The following NOS1 variants were observed in gnomAD, a reference collection of about 807,000 sequenced individuals.
The protein encoded by NOS1 is NOS type I.
A neutral mutation model predicts 164.5 loss-of-function variants in NOS1; 51 were observed. The observed-to-expected ratio is 0.31, with a 90% confidence interval of 0.25 to 0.39. The LOEUF (loss-of-function observed/expected upper bound fraction) is 0.39. Ranked by LOEUF, NOS1 falls within the 10% of genes least tolerant of loss-of-function variation. NOS1 has a pLI of 1.00. For missense variants in NOS1, 1,362 were observed against 1,885.6 expected (o/e 0.72, Z 5.14); for synonymous variants, 719 against 745.8 (o/e 0.96, Z 0.59).
At position 117,316,348 on chromosome 12, in the gene NOS1, C is replaced by T. The variant is rs192299790; in HGVS notation, c.726-4756G>A. 1.8e-4 allele frequency among the ~76,000 whole-genome samples: 28 copies of T among 152,182 alleles called. 1 individual carries two copies. The highest frequency in any genetic ancestry group is 1.6e-3 in the Admixed American group (25 of 15,272). ...AATTCTCTACTACCCTTCCAGACTC[C>T]TACCTCCTATCATTCTTGGCCCTGA... On this transcript the variant is annotated intron_variant, in intron 2 of 28. Coordinates refer to ENST00000317775, the MANE Select transcript of NOS1 (RefSeq NM_000620.5).
intron 2 of NOS1, among the ~76,000 whole-genome samples, chr12:117,312,508 T>C (rs1874480493): frequency 6.6e-6 from 1 of 152,184 alleles, no homozygotes; most frequent in South Asian, 2.1e-4. Context: ...CTTGATCTTC[T>C]GGGTTCAAGT....
rs543472308 is a variant in NOS1 at position 117,246,785 on chromosome 12, A to C, written c.2823+563T>G. On this transcript the variant is annotated intron_variant, in intron 18 of 28. Transcript: ENST00000317775. Reference sequence around the variant, plus strand: ...AGTGTAAAGTTTTCAAGGTCCATCCATGTTGTAGCATGTATCACCACTTCA... The same window carrying C: ...AGTGTAAAGTTTTCAAGGTCCATCCCTGTTGTAGCATGTATCACCACTTCA... Among the ~76,000 whole-genome samples the C allele has an allele frequency of 3.4e-4, 52 of 152,324 alleles. 1 individual carries two copies. Among genetic ancestry groups the C allele is most frequent in the Non-Finnish European group, 5.1e-4 (35 of 68,026 alleles).
At chr12:117,291,345 G>A (rs562522674) in intron 3 of NOS1, among the ~76,000 whole-genome samples, 22 of 152,100 alleles carry the variant, frequency 1.4e-4, no homozygotes, top group South Asian at 6.2e-4. Flanking sequence ...TGCACTTACC[G>A]TCCCCTCTGT....
intron 5 of NOS1, among the ~76,000 whole-genome samples, chr12:117,286,936 C>T (rs928983111): frequency 9.2e-5 from 14 of 152,078 alleles, no homozygotes; most frequent in African/African-American, 3.4e-4. Flanking sequence ...GCATACAGGC[C>T]GGGTATGGTG....
In NOS1 at chr12:117,222,842, A is replaced by T. The variant is rs1358671681; in HGVS notation, c.3848T>A (p.Val1283Asp). 2 of 1,613,672 alleles carry T rather than the reference A, an allele frequency of 1.2e-6. No individual in the cohort carries two copies. The highest frequency in any genetic ancestry group is 2.7e-5 in the African/African-American group (2 of 74,864). ...GGATTGCCGGCACCCGAAGACCAGG[A>T]CCATGGGGCAGGGGTTCATTCCTGG... ...QHKGMNPCPMVLVFGCRQSKI... is the reference protein window; with the variant it reads ...QHKGMNPCPMDLVFGCRQSKI... Residue 1283 changes from valine (V) to aspartate (D), a missense_variant, in exon 26 of 29, where the codon GTC becomes GAC. By Grantham distance (152) the Val-to-Asp change is radical. This residue lies in a region of NOS1 where 737 missense variants were observed against 1,030.3 expected (regional missense o/e 0.72). Coordinates refer to ENST00000317775, the MANE Select transcript of NOS1 (RefSeq NM_000620.5).
chr12:117,235,815 C>T (rs1869661594), intron 20 of NOS1, among the ~76,000 whole-genome samples: 1 of 152,076 alleles, frequency 6.6e-6, no homozygotes, highest in Non-Finnish European at 1.5e-5. Flanking sequence ...GGTGGAGGTA[C>T]ACAGATCACC....
chr12:117,351,326 C>T (rs909075317), intron 1 of NOS1, among the ~76,000 whole-genome samples: 2 of 152,176 alleles, frequency 1.3e-5, no homozygotes, highest in Admixed American at 1.3e-4. Flanking sequence ...CCAGCACCCC[C>T]ACTCCATTCC....
rs998122233 is a variant in NOS1 at position 117,213,791 on chromosome 12, T to C, written c.*1518A>G. ...CCTGCAGTCTGGGAGGCCACTAGGA[T>C]TTCTTGTCTCTTTCTGGGAACTGCC... On this transcript the variant is annotated 3_prime_UTR_variant, in exon 29 of 29. Coordinates refer to ENST00000317775, the MANE Select transcript of NOS1 (RefSeq NM_000620.5). The C allele has an allele frequency of 3.0e-6, 3 of 985,280 alleles. No homozygotes were observed. Among genetic ancestry groups the C allele is most frequent in the Non-Finnish European group, 3.6e-6 (3 of 829,952 alleles). 61.0% of individuals were successfully genotyped at this position (985,280 alleles called of 1,614,324 possible).
chr12:117,353,051 TCCAC>T (rs1876699436), intron 1 of NOS1, among the ~76,000 whole-genome samples: 1 of 151,670 alleles, frequency 6.6e-6, no homozygotes, highest in Non-Finnish European at 1.5e-5. Flanking sequence ...CATCCATCCA[TCCAC>T]CCACCTACCT....
intron 15 of NOS1, 84 bp downstream of exon 15, chr12:117,258,942 A>T: frequency 1.2e-6 from 1 of 865,168 alleles, no homozygotes; most frequent in Non-Finnish European, 1.9e-6. Flanking sequence ...ACTGAATAGC[A>T]GGTGTAGGAA....
intron 1 of NOS1, among the ~76,000 whole-genome samples, chr12:117,339,550 G>A (rs1875998351): frequency 6.6e-6 from 1 of 152,134 alleles, no homozygotes; most frequent in African/African-American, 2.4e-5. Context: ...AACCTGAAAG[G>A]AACATCCTTA....
At chr12:117,325,897 T>C (rs937872484) in intron 2 of NOS1, among the ~76,000 whole-genome samples, 1 of 152,236 alleles carries the variant, frequency 6.6e-6, no homozygotes, top group African/African-American at 2.4e-5. Flanking sequence ...TACAGGCTTT[T>C]GAAATTATAA....
At chr12:117,312,779 G>A (rs1874495683) in intron 2 of NOS1, among the ~76,000 whole-genome samples, 2 of 152,076 alleles carry the variant, frequency 1.3e-5, no homozygotes, top group Admixed American at 1.3e-4. Context: ...GAGAAGCTAA[G>A]TTGCTCAAGG....
chr12:117,270,139 G>A (rs1270863855), intron 10 of NOS1, among the ~76,000 whole-genome samples: 1 of 152,230 alleles, frequency 6.6e-6, no homozygotes, highest in Non-Finnish European at 1.5e-5. Context: ...CTGGTGTCAG[G>A]AGCAGGGAAG....
At chr12:117,302,180 T>C in intron 3 of NOS1, 1 of 432,852 alleles carries the variant, frequency 2.3e-6, no homozygotes, top group South Asian at 1.6e-5. Flanking sequence ...AATAAATATA[T>C]TAGGTCCTGT....
At chr12:117,320,927 C>T (rs541996580) in intron 2 of NOS1, among the ~76,000 whole-genome samples, 3 of 152,290 alleles carry the variant, frequency 2.0e-5, no homozygotes, top group Admixed American at 1.3e-4. Context: ...TAATGCTCTA[C>T]CAAACCCCAA....
intron 13 of NOS1, among the ~76,000 whole-genome samples, chr12:117,263,589 ATTATTATTATTATTAT>A (rs1872117470): frequency 3.9e-5 from 2 of 51,234 alleles, no homozygotes; most frequent in South Asian, 1.8e-3. Context: ...TATTATTATT[ATTATTATTATTATTAT>A]TATTATTATT....
At chr12:117,278,987 T>C (rs2136007480) in intron 8 of NOS1, among the ~76,000 whole-genome samples, 1 of 151,182 alleles carries the variant, frequency 6.6e-6, no homozygotes, top group East Asian at 1.9e-4. Context: ...ATATTTAACA[T>C]TAAAAATAAA....
chr12:117,329,665 A>G (rs1875431604), intron 2 of NOS1, among the ~76,000 whole-genome samples: 1 of 152,138 alleles, frequency 6.6e-6, no homozygotes. Context: ...TTCCACCTGC[A>G]GAGAATTGAA....
Sources: gnomAD v4.1 joint callset for allele counts (sites outside exome capture counted in the v4.1 genomes callset) on GRCh38, gnomAD v4.1.1 for gene constraint, gnomAD v4.1.1 regional missense constraint, MANE v1.5 for transcripts, NCBI Gene and HGNC (gene_info 2026-07-23, HGNC 2026-07-21) for gene names.